The following TXNDC12 variants were observed in gnomAD, a reference collection of about 807,000 sequenced individuals.
TXNDC12 encodes the protein thioredoxin domain containing 12.
TXNDC12 carries 22 observed loss-of-function variants against 24.2 expected under a neutral mutation model. The observed-to-expected ratio is 0.91, with a 90% CI of 0.65 to 1.30. The LOEUF (loss-of-function observed/expected upper bound fraction) is 1.30. Ranked by LOEUF, TXNDC12 falls within the 50% of genes most tolerant of loss-of-function variation. TXNDC12 has a pLI of 0.00. For synonymous variants in TXNDC12, 58 were observed against 73.4 expected (o/e 0.79, Z 1.07); for missense variants, 184 against 205.8 (o/e 0.89, Z 0.65).
intron 2 of TXNDC12, among the ~76,000 whole-genome samples, chr1:52,029,232 C>G (rs1208832361): frequency 4.6e-5 from 7 of 152,044 alleles, no homozygotes; most frequent in African/African-American, 1.7e-4. Context: ...ACAAATGTAT[C>G]TATAGTCTGG....
chr1:52,044,592 G>C (rs2124386672), intron 1 of TXNDC12, among the ~76,000 whole-genome samples: 1 of 152,250 alleles, frequency 6.6e-6, no homozygotes, highest in East Asian at 1.9e-4. Flanking sequence ...AGAATTATCA[G>C]CCACAAAATA....
chr1:52,045,556 C>T (rs144807072), intron 1 of TXNDC12, among the ~76,000 whole-genome samples: 87 of 152,306 alleles, frequency 5.7e-4, no homozygotes, highest in South Asian at 1.0e-3. Flanking sequence ...TATTGGACTT[C>T]TAGCCTCCAG....
intron 1 of TXNDC12, among the ~76,000 whole-genome samples, chr1:52,046,870 T>A (rs12140164): frequency 3.3e-4 from 29 of 87,346 alleles, no homozygotes; most frequent in African/African-American, 1.5e-3. Context: ...AAAAAAAATA[T>A]ATATATATAT....
intron 1 of TXNDC12, among the ~76,000 whole-genome samples, chr1:52,052,034 A>G (rs1453447798): frequency 6.6e-6 from 1 of 152,216 alleles, no homozygotes; most frequent in Non-Finnish European, 1.5e-5. Flanking sequence ...TGTCCGACAC[A>G]ATATTAAGTG....
At chr1:52,033,045 C>A in intron 2 of TXNDC12, 1 of 1,580,036 alleles carries the variant, frequency 6.3e-7, no homozygotes, top group Non-Finnish European at 8.6e-7. Flanking sequence ...CCGCCAGGGG[C>A]AACGGCTCCT....
chr1:52,041,422 G>A lies in TXNDC12; in HGVS notation c.158+115C>T, dbSNP rs539719473. The A allele has an allele frequency of 5.3e-6, 3 of 571,278 alleles. No homozygotes were observed. In the East Asian group the frequency reaches 8.9e-5, roughly 17 times the overall value. The allele number at this position is 571,278 out of a possible 1,614,324, so 35.4% of individuals were successfully genotyped here. A position where few individuals can be genotyped will look rare whatever the true frequency, so the allele number is the denominator to read the frequency against. ...ATTATTATTGCTGTTGTTGTAATTAGGCAACTATTCAGTTCTTGCTCTGCC... is the reference window on the plus strand; with the variant it reads ...ATTATTATTGCTGTTGTTGTAATTAAGCAACTATTCAGTTCTTGCTCTGCC... On this transcript the variant is annotated intron_variant, in intron 2 of 6. Coordinates refer to ENST00000371626, the MANE Select transcript of TXNDC12 (RefSeq NM_015913.4).
At chr1:52,044,740 G>A (rs1457848452) in intron 1 of TXNDC12, among the ~76,000 whole-genome samples, 2 of 152,138 alleles carry the variant, frequency 1.3e-5, no homozygotes, top group Non-Finnish European at 2.9e-5. Context: ...TTGGGAGGCC[G>A]ACGTGGATGG....
At chr1:52,046,867 AT>A (rs869121160) in intron 1 of TXNDC12, among the ~76,000 whole-genome samples, 2,577 of 30,978 alleles carry the variant, frequency 0.083, 70 homozygotes, top group South Asian at 0.17. Flanking sequence ...AAAAAAAAAA[AT>A]ATATATATAT....
At chr1:52,051,627 C>T (rs1248543311) in intron 1 of TXNDC12, among the ~76,000 whole-genome samples, 1 of 152,214 alleles carries the variant, frequency 6.6e-6, no homozygotes, top group African/African-American at 2.4e-5. Flanking sequence ...GATTGACCTG[C>T]CTCAGCCTCC....
intron 6 of TXNDC12, among the ~76,000 whole-genome samples, chr1:52,021,537 T>A (rs1259150137): frequency 3.2e-5 from 4 of 126,416 alleles, no homozygotes; most frequent in Non-Finnish European, 4.7e-5. Context: ...CAACTATACA[T>A]GGATGAAGCC....
Position 52,027,289 on chromosome 1 carries a change from T to C in TXNDC12, c.271A>G (p.Met91Val). 6.2e-7 allele frequency: 1 copy of C among 1,612,662 alleles called. No homozygotes were observed. Among genetic ancestry groups the C allele is most frequent in the Non-Finnish European group, 8.5e-7 (1 of 1,178,936 alleles). ...EISELSHNFV[M>V]VNLEDEEEPK... ...CAAAGTCTTACCTCAAGATTTACCATAACAAAATTATGGGAGAGTTCTGAA... is the reference window on the plus strand; with the variant it reads ...CAAAGTCTTACCTCAAGATTTACCACAACAAAATTATGGGAGAGTTCTGAA... The change falls in exon 4 of 7, where the codon ATG becomes GTG. Residue 91 changes from methionine (M) to valine (V), a missense_variant. Transcript: ENST00000371626.
intron 2 of TXNDC12, among the ~76,000 whole-genome samples, chr1:52,036,801 T>C (rs541672850): frequency 2.2e-4 from 33 of 152,318 alleles, no homozygotes; most frequent in African/African-American, 7.5e-4. Context: ...TTATCTTCTG[T>C]TCATTCCTCT....
chr1:52,032,896 T>C, intron 2 of TXNDC12: 4 of 1,613,024 alleles, frequency 2.5e-6, no homozygotes, highest in South Asian at 1.1e-5. Context: ...AGCGCTCTTC[T>C]GCGCTTCCAT....
chr1:52,023,434 G>T, intron 6 of TXNDC12, 57 bp downstream of exon 6: 1 of 1,377,054 alleles, frequency 7.3e-7, no homozygotes, highest in Non-Finnish European at 1.0e-6. Context: ...GACCTTGCAT[G>T]TGGTTCATCC....
At chr1:52,021,309 T>C (rs1342650588) in intron 6 of TXNDC12, among the ~76,000 whole-genome samples, 1 of 152,202 alleles carries the variant, frequency 6.6e-6, no homozygotes, top group African/African-American at 2.4e-5. Flanking sequence ...AGCAGTTATT[T>C]TGGCTTACCC....
chr1:52,041,398 T>A (rs2809958), intron 2 of TXNDC12, 139 bp downstream of exon 2: 73,672 of 518,286 alleles, frequency 0.14, 6,918 homozygotes, highest in African/African-American at 0.36. Flanking sequence ...ATGTTAGCCA[T>A]TATTATTGCT....
intron 2 of TXNDC12, among the ~76,000 whole-genome samples, chr1:52,040,400 T>C (rs1685962989): frequency 6.6e-6 from 1 of 152,042 alleles, no homozygotes; most frequent in Non-Finnish European, 1.5e-5. Flanking sequence ...TTGCCCAGAT[T>C]GGTCTCAACC....
In TXNDC12 at chr1:52,041,565, C is replaced by CACTGGAAGGAGGA. The variant is rs1276177971; in HGVS notation, c.129_130insTCCTCCTTCCAGT (p.Glu44SerfsTer5). On this transcript the variant is annotated frameshift_variant, in exon 2 of 7. Coordinates refer to ENST00000371626, the MANE Select transcript of TXNDC12 (RefSeq NM_015913.4). LOFTEE classifies it high-confidence loss of function. ...GCAGCTGCTTCTTTCTTCCCATCTT[C>CACTGGAAGGAGGA]CAGTGTCCTCCAATGAATATGATCT... 1 of 1,612,664 alleles carries CACTGGAAGGAGGA rather than the reference C, an allele frequency of 6.2e-7. No homozygotes were observed. Among genetic ancestry groups the CACTGGAAGGAGGA allele is most frequent in the African/African-American group, 1.3e-5 (1 of 74,868 alleles).
At chr1:52,036,390 G>A (rs1044037310) in intron 2 of TXNDC12, among the ~76,000 whole-genome samples, 1 of 152,126 alleles carries the variant, frequency 6.6e-6, no homozygotes, top group Non-Finnish European at 1.5e-5. Flanking sequence ...TATTCATTAA[G>A]TGGAAATGGA....
Sources: allele counts gnomAD v4.1 joint callset (sites outside exome capture counted in the v4.1 genomes callset), GRCh38; gene constraint gnomAD v4.1.1; transcripts MANE v1.5; gene names NCBI Gene and HGNC (gene_info 2026-07-23, HGNC 2026-07-21).